ENAH: variants seen among roughly 807,000 people sequenced by gnomAD.
The protein encoded by ENAH is ENAH actin regulator, also known as protein enabled homolog.
In ENAH, 23 loss-of-function variants were observed where a neutral mutation model predicts 78.7. That is an observed-to-expected ratio of 0.29 (90% CI 0.21 to 0.41). The LOEUF (loss-of-function observed/expected upper bound fraction) is 0.41, where lower values mean the gene tolerates loss of function less well. ENAH is among the 10% of genes least tolerant of loss of function. The pLI, the probability that ENAH is intolerant of heterozygous loss-of-function variation, is 1.00. For synonymous variants in ENAH, 226 were observed against 241.0 expected (o/e 0.94, Z 0.58); for missense variants, 544 against 691.0 (o/e 0.79, Z 2.39).
At chr1:225,602,193 G>A (rs1265263932) in intron 1 of ENAH, among the ~76,000 whole-genome samples, 1 of 152,084 alleles carries the variant, frequency 6.6e-6, no homozygotes, top group Non-Finnish European at 1.5e-5. Flanking sequence ...TTGAAAAACA[G>A]ATCAAAAGAT....
intron 1 of ENAH, among the ~76,000 whole-genome samples, chr1:225,615,234 G>A (rs1451165922): frequency 6.6e-6 from 1 of 151,732 alleles, no homozygotes; most frequent in Non-Finnish European, 1.5e-5. Flanking sequence ...CGGTGGAGAC[G>A]GGGTTTCGCC....
intron 1 of ENAH, among the ~76,000 whole-genome samples, chr1:225,647,046 G>C (rs1662105786): frequency 6.6e-6 from 1 of 151,556 alleles, no homozygotes; most frequent in Admixed American, 6.6e-5. Flanking sequence ...CTAACATGTT[G>C]AAACCCCATC....
intron 1 of ENAH, among the ~76,000 whole-genome samples, chr1:225,607,148 CT>C (rs749095238): frequency 2.0e-5 from 3 of 152,120 alleles, no homozygotes; most frequent in Non-Finnish European, 4.4e-5. Flanking sequence ...AGTGTGCAAT[CT>C]TTTGGCTTCC....
chr1:225,611,381 C>T (rs1260277964), intron 1 of ENAH, among the ~76,000 whole-genome samples: 6 of 152,020 alleles, frequency 3.9e-5, no homozygotes, highest in Non-Finnish European at 2.9e-5. Flanking sequence ...TGCAGTGGCG[C>T]GATCTCTGGT....
chr1:225,593,095 T>C (rs1367104779), intron 1 of ENAH, among the ~76,000 whole-genome samples: 3 of 152,084 alleles, frequency 2.0e-5, no homozygotes, highest in Non-Finnish European at 4.4e-5. Flanking sequence ...CATATAGCTA[T>C]AACTATCATA....
At position 225,494,071 on chromosome 1, in the gene ENAH, A is replaced by AAAAAC. The variant is rs1252275041; in HGVS notation, c.*3703_*3704insGTTTT. The AAAAAC allele has an allele frequency of 6.6e-6, 1 of 150,524 alleles. No individual in the cohort carries two copies. The highest frequency in any genetic ancestry group is 1.5e-5 in the Non-Finnish European group (1 of 67,532). The allele number at this position is 150,524 out of a possible 1,614,324, so 9.3% of individuals were successfully genotyped here. The stretch of plus-strand genomic sequence containing the variant: ...ACATGAGACAGGCTAGAGCAAAAAA[A>AAAAAC]AAAAAAAAAAAACAGCTGAAAATTT... On this transcript the variant is annotated 3_prime_UTR_variant, in exon 14 of 14. Coordinates refer to ENST00000366843, the MANE Select transcript of ENAH (RefSeq NM_018212.6).
intron 1 of ENAH, among the ~76,000 whole-genome samples, chr1:225,592,440 T>C (rs1222228038): frequency 2.6e-5 from 4 of 152,192 alleles, no homozygotes; most frequent in Admixed American, 2.0e-4. Context: ...TGGATACTCA[T>C]TTTATGTGGT....
chr1:225,524,128 C>T (rs904018038), intron 4 of ENAH, among the ~76,000 whole-genome samples: 3 of 152,086 alleles, frequency 2.0e-5, no homozygotes, highest in African/African-American at 7.2e-5. Context: ...ACAGTTCCTC[C>T]ACCACCCAAA....
intron 3 of ENAH, among the ~76,000 whole-genome samples, chr1:225,546,064 T>C (rs181485614): frequency 6.6e-6 from 1 of 152,040 alleles, no homozygotes; most frequent in Admixed American, 6.5e-5. Flanking sequence ...GCTAGGGCTA[T>C]AGATGTACGC....
At chr1:225,612,861 G>A (rs2096998977) in intron 1 of ENAH, among the ~76,000 whole-genome samples, 1 of 148,302 alleles carries the variant, frequency 6.7e-6, no homozygotes. Context: ...GGGGGAGGAG[G>A]GATCTAAATG....
At chr1:225,530,524 A>G (rs755098539) in intron 4 of ENAH, 30 bp downstream of exon 4, 5 of 1,558,538 alleles carry the variant, frequency 3.2e-6, no homozygotes, top group Non-Finnish European at 3.5e-6. Flanking sequence ...AGCATAAAGA[A>G]AAAGTACAAA....
rs568648579 is a variant in ENAH, at chr1:225,525,503, C to T, written c.434+5051G>A. On this transcript the variant is annotated intron_variant, in intron 4 of 13. Coordinates refer to ENST00000366843, the MANE Select transcript of ENAH (RefSeq NM_018212.6). ...AGAACCACGGTCAGGTTTTTCTATT[C>T]TTTTGTTTTGCTTTCCCTCAGAAAC... Among the ~76,000 whole-genome samples, 42 of 152,276 alleles carry T rather than the reference C, an allele frequency of 2.8e-4. 1 individual carries two copies. In the East Asian group the frequency reaches 4.6e-3, roughly 17 times the overall value.
chr1:225,549,258 C>T (rs1444209894), intron 3 of ENAH, among the ~76,000 whole-genome samples: 1 of 152,180 alleles, frequency 6.6e-6, no homozygotes, highest in Non-Finnish European at 1.5e-5. Flanking sequence ...GGATTCTTTT[C>T]AGGTCCAAAT....
intron 1 of ENAH, among the ~76,000 whole-genome samples, chr1:225,633,721 T>G (rs989523026): frequency 1.1e-4 from 16 of 152,194 alleles, no homozygotes; most frequent in African/African-American, 3.9e-4. Flanking sequence ...TGGCCTATCT[T>G]TAAATATTCA....
intron 1 of ENAH, among the ~76,000 whole-genome samples, chr1:225,629,045 C>A (rs544131918): frequency 1.3e-5 from 2 of 152,032 alleles, no homozygotes; most frequent in East Asian, 3.9e-4. Flanking sequence ...TTTGGGAGGC[C>A]GAGGCGGGCA....
At chr1:225,527,513 TA>T (rs2096514524) in intron 4 of ENAH, among the ~76,000 whole-genome samples, 1 of 152,244 alleles carries the variant, frequency 6.6e-6, no homozygotes, top group Non-Finnish European at 1.5e-5. Context: ...AGTGTCTATA[TA>T]AATATTTAGT....
intron 11 of ENAH, among the ~76,000 whole-genome samples, chr1:225,502,631 T>C (rs7543444): frequency 0.078 from 11,881 of 152,230 alleles, 585 homozygotes; most frequent in Admixed American, 0.14. Context: ...TTCCAGAAAA[T>C]TTCATTCAAT....
At chr1:225,629,819 GATT>G (rs1019208362) in intron 1 of ENAH, among the ~76,000 whole-genome samples, 8 of 152,210 alleles carry the variant, frequency 5.3e-5, no homozygotes, top group African/African-American at 1.9e-4. Flanking sequence ...ATTAACTCCA[GATT>G]ATTCGTGAAA....
intron 1 of ENAH, among the ~76,000 whole-genome samples, chr1:225,576,267 C>G (rs1354057294): frequency 2.2e-5 from 3 of 138,742 alleles, no homozygotes; most frequent in Non-Finnish European, 3.1e-5. Flanking sequence ...CAGAGTGAGA[C>G]TCTGTCTCAA....
Sources: allele counts gnomAD v4.1 joint callset (sites outside exome capture counted in the v4.1 genomes callset), GRCh38; gene constraint gnomAD v4.1.1; transcripts MANE v1.5; gene names NCBI Gene and HGNC (gene_info 2026-07-23, HGNC 2026-07-21).